Variants in GNB4 observed in about 807,000 individuals in gnomAD.
GNB4 encodes guanine nucleotide-binding protein subunit beta-4.
GNB4 carries 28 observed loss-of-function variants against 45.2 expected under a neutral mutation model. The observed-to-expected ratio is 0.62, with a 90% CI of 0.46 to 0.85. The LOEUF (loss-of-function observed/expected upper bound fraction) is 0.85. Among genes scored for constraint, GNB4 ranks in the 40% least tolerant of loss-of-function variants. The probability of loss-of-function intolerance (pLI) is 0.00; values close to 1 mark genes in which losing one functional copy is unlikely to be tolerated. For missense variants in GNB4, 321 were observed against 425.4 expected, an observed-to-expected ratio of 0.75 and a Z score of 2.16; for synonymous variants, 132 against 143.7, an observed-to-expected ratio of 0.92 and a Z score of 0.58.
At chr3:179,464,393 G>T in the GNB4 span, 1 of 1,196,986 alleles carries the variant, frequency 8.4e-7, no homozygotes. Flanking sequence ...GGCTGCTGCA[G>T]CCCGTGCACA....
At chr3:179,420,303 G>GTT (rs769305965) in intron 3 of GNB4, among the ~76,000 whole-genome samples, 3 of 138,008 alleles carry the variant, frequency 2.2e-5, no homozygotes, top group African/African-American at 2.6e-5. Flanking sequence ...TAACTTTCAT[G>GTT]TTTTTTTTTT....
At chr3:179,486,403 CTA>C in the GNB4 span, among the ~76,000 whole-genome samples, 1 of 152,244 alleles carries the variant, frequency 6.6e-6, no homozygotes, top group East Asian at 1.9e-4. Flanking sequence ...CTCCAGCTTA[CTA>C]TTGTGATATT....
chr3:179,522,466 C>T, the GNB4 span, among the ~76,000 whole-genome samples: 9 of 142,864 alleles, frequency 6.3e-5, no homozygotes, highest in East Asian at 1.3e-3. Context: ...GTGGTCTCTT[C>T]GCACGGACGC....
chr3:179,489,782 A>G, the GNB4 span, among the ~76,000 whole-genome samples: 22 of 152,364 alleles, frequency 1.4e-4, 2 homozygotes, highest in East Asian at 5.8e-4. Flanking sequence ...CATACATGAT[A>G]TGATTTAATT....
At position 179,435,079 on chromosome 3, in the gene GNB4, A is replaced by G. The variant is rs891682801; in HGVS notation, c.-42-8837T>C. 2.0e-5 allele frequency among the ~76,000 whole-genome samples: 3 copies of G among 152,228 alleles called. No homozygotes were observed. The South Asian group carries it at 6.2e-4, about 32-fold the overall frequency. ...AATAAAATAAAAATAAAGAAAAAAG[A>G]AAATGAAGCTTAGGCAGGTTAAATA... On this transcript the variant is annotated intron_variant, in intron 1 of 9. Coordinates refer to ENST00000232564, the MANE Select transcript of GNB4 (RefSeq NM_021629.4).
At chr3:179,406,769 C>A (rs568819565) in intron 8 of GNB4, among the ~76,000 whole-genome samples, 1 of 152,048 alleles carries the variant, frequency 6.6e-6, no homozygotes, top group Non-Finnish European at 1.5e-5. Flanking sequence ...TGCACCACAA[C>A]GCCTGGCTAA....
the GNB4 span, among the ~76,000 whole-genome samples, chr3:179,475,795 T>C: frequency 6.6e-6 from 1 of 152,212 alleles, no homozygotes; most frequent in Non-Finnish European, 1.5e-5. Context: ...TCTAACAGTC[T>C]GCACAAGTGA....
the GNB4 span, among the ~76,000 whole-genome samples, chr3:179,494,293 AAG>A: frequency 0.021 from 3,209 of 151,940 alleles, 191 homozygotes; most frequent in East Asian, 0.2. Flanking sequence ...GAAAGAAAGA[AAG>A]AGAGAGGAAG....
intron 8 of GNB4, 114 bp from the exon 9 acceptor site, chr3:179,405,520 G>A (rs1714443659): frequency 3.1e-6 from 2 of 655,098 alleles, no homozygotes; most frequent in East Asian, 5.5e-5. Context: ...TACCAGGTGA[G>A]CGATGTTGGG....
chr3:179,503,335 A>G, the GNB4 span, among the ~76,000 whole-genome samples: 1 of 152,238 alleles, frequency 6.6e-6, no homozygotes, highest in Admixed American at 6.5e-5. Context: ...ACAGATGAGT[A>G]GTATGTAATA....
At chr3:179,439,653 T>A (rs1715548766) in intron 1 of GNB4, among the ~76,000 whole-genome samples, 1 of 152,226 alleles carries the variant, frequency 6.6e-6, no homozygotes, top group Admixed American at 6.5e-5. Flanking sequence ...AATGTATATC[T>A]CACTGCTTCT....
chr3:179,498,748 G>GTTTT, the GNB4 span, among the ~76,000 whole-genome samples: 7 of 117,596 alleles, frequency 6.0e-5, no homozygotes, highest in African/African-American at 1.5e-4. Flanking sequence ...GTTGAGGTTT[G>GTTTT]GTTTTTTTTT....
the GNB4 span, among the ~76,000 whole-genome samples, chr3:179,499,407 C>A: frequency 6.6e-6 from 1 of 152,168 alleles, no homozygotes; most frequent in Non-Finnish European, 1.5e-5. Context: ...GATCCACCCG[C>A]CTTGGCCTCC....
Position 179,426,063 on chromosome 3 carries a change from T to C in GNB4, c.57+81A>G, listed in dbSNP as rs928037835. On this transcript the variant is annotated intron_variant, in intron 2 of 9. Transcript: ENST00000232564. ...TTCTAGCCTTAGAAATCATTTAATA[T>C]AGACTGATAAACTAATAGGCAAATT... 4 of 1,047,674 alleles carry C rather than the reference T, an allele frequency of 3.8e-6. No homozygotes were observed. The East Asian group carries it at 7.2e-5, about 19-fold the overall frequency. 64.9% of individuals were successfully genotyped at this position (1,047,674 alleles called of 1,614,324 possible).
chr3:179,497,221 CT>C, the GNB4 span, among the ~76,000 whole-genome samples: 1 of 151,910 alleles, frequency 6.6e-6, no homozygotes, highest in Non-Finnish European at 1.5e-5. Flanking sequence ...GTCATCTAGT[CT>C]TTCAAAAAGG....
rs142375963 is a variant in GNB4 at position 179,435,879 on chromosome 3, T to G, written c.-42-9637A>C. ...TAAATAAAATGGAAAAAAATACACT[T>G]GCATAATTCGAATGGCCTTCTCACT... is the stretch of plus-strand genomic sequence containing the variant. On this transcript the variant is annotated intron_variant, in intron 1 of 9. Coordinates refer to ENST00000232564, the MANE Select transcript of GNB4 (RefSeq NM_021629.4). Among the ~76,000 whole-genome samples, 4 of 152,362 alleles carry G rather than the reference T, an allele frequency of 2.6e-5. No homozygotes were observed. The East Asian group carries it at 7.7e-4, about 29-fold the overall frequency.
rs770877498 is a variant in GNB4, at chr3:179,416,489, C to A, written c.267+4G>T. The A allele has an allele frequency of 2.0e-6, 3 of 1,520,192 alleles. No individual in the cohort carries two copies. The highest frequency in any genetic ancestry group is 4.6e-5 in the East Asian group (2 of 43,302). 94.2% of individuals were successfully genotyped at this position (1,520,192 alleles called of 1,614,324 possible). ...TATTTAAAAGAATTATGAAGAAATT[C>A]TACCTTATTTGTTGTATAGCTATCC... is the stretch of plus-strand genomic sequence containing the variant. On this transcript the variant is annotated splice_donor_region_variant and intron_variant, in intron 5 of 9. Transcript: ENST00000232564.
chr3:179,522,320 C>T, the GNB4 span, among the ~76,000 whole-genome samples: 12 of 143,236 alleles, frequency 8.4e-5, no homozygotes, highest in Admixed American at 8.0e-4. Context: ...CCCCTTTTGA[C>T]TGTAATTTTC....
chr3:179,510,698 A>T, the GNB4 span, among the ~76,000 whole-genome samples: 11 of 152,056 alleles, frequency 7.2e-5, no homozygotes, highest in African/African-American at 2.7e-4. Flanking sequence ...CAAATCTCCA[A>T]TGTGAAGCTT....
Sources: allele counts gnomAD v4.1 joint callset (sites outside exome capture counted in the v4.1 genomes callset), GRCh38; gene constraint gnomAD v4.1.1; transcripts MANE v1.5; gene names NCBI Gene and HGNC (gene_info 2026-07-23, HGNC 2026-07-21).